Variants in ABCC4 observed in about 807,000 individuals in gnomAD.
The protein encoded by ABCC4 is ATP binding cassette subfamily C member 4 (PEL blood group), also known as ATP-binding cassette sub-family C member 4.
ABCC4 carries 102 observed loss-of-function variants against 168.5 expected under a neutral mutation model. The observed-to-expected ratio is 0.61, with a 90% CI of 0.52 to 0.71. The LOEUF is 0.71. Among genes scored for constraint, ABCC4 ranks in the 30% least tolerant of loss-of-function variants. The pLI, the probability that ABCC4 is intolerant of heterozygous loss-of-function variation, is 0.00. For synonymous variants in ABCC4, 617 were observed against 590.7 expected, an observed-to-expected ratio of 1.04 and a Z score of -0.65; for missense variants, 1,402 against 1,605.8, an observed-to-expected ratio of 0.87 and a Z score of 2.17.
chr13:95,204,526 C>T (rs915785203), intron 8 of ABCC4, among the ~76,000 whole-genome samples: 2 of 152,168 alleles, frequency 1.3e-5, no homozygotes, highest in African/African-American at 4.8e-5. Context: ...CCTGCTTGCA[C>T]TTCTCCTTCC....
chr13:95,210,526 A>G (rs2038923497), intron 5 of ABCC4, among the ~76,000 whole-genome samples, 166 bp downstream of exon 5: 1 of 152,206 alleles, frequency 6.6e-6, no homozygotes, highest in Non-Finnish European at 1.5e-5. Flanking sequence ...AGGCTGAGAC[A>G]GGAGGATCGC....
chr13:95,167,983 C>T (rs947246443), intron 14 of ABCC4, among the ~76,000 whole-genome samples: 3 of 152,126 alleles, frequency 2.0e-5, no homozygotes, highest in Non-Finnish European at 4.4e-5. Flanking sequence ...TCTCCTGCCT[C>T]AGGCTCCTGA....
chr13:95,280,408 C>A (rs1174133241), intron 1 of ABCC4, among the ~76,000 whole-genome samples: 1 of 110,200 alleles, frequency 9.1e-6, no homozygotes, highest in South Asian at 3.4e-4. Context: ...CAGAGTGAGA[C>A]TCCATCTCAA....
In ABCC4 at chr13:95,028,787, A is replaced by G. The variant is rs546377076; in HGVS notation, c.3870+5818T>C. Among the ~76,000 whole-genome samples the G allele has an allele frequency of 2.6e-5, 4 of 152,298 alleles. No individual in the cohort carries two copies. The South Asian group carries it at 6.2e-4, about 24-fold the overall frequency. ...TAAGTCATTCACCAGGAAAAAAACAAAAATAGCTAACTTAATTGGAAGTTA... is the reference window on the plus strand; with the variant it reads ...TAAGTCATTCACCAGGAAAAAAACAGAAATAGCTAACTTAATTGGAAGTTA... On this transcript the variant is annotated intron_variant, in intron 30 of 30. Transcript: ENST00000645237.
chr13:95,268,883 C>A (rs964460085), intron 1 of ABCC4, among the ~76,000 whole-genome samples: 1 of 152,042 alleles, frequency 6.6e-6, no homozygotes, highest in South Asian at 2.1e-4. Flanking sequence ...TTCTGAGCGG[C>A]GGTCCCCTGG....
At chr13:95,254,180 G>A (rs542269510) in intron 1 of ABCC4, among the ~76,000 whole-genome samples, 60 of 152,334 alleles carry the variant, frequency 3.9e-4, no homozygotes, top group Admixed American at 1.0e-3. Context: ...TTATAGGCAT[G>A]AGCCACTGCG....
At chr13:95,048,032 A>G (rs1056600924) in intron 27 of ABCC4, among the ~76,000 whole-genome samples, 21 of 152,194 alleles carry the variant, frequency 1.4e-4, no homozygotes, top group African/African-American at 4.6e-4. Flanking sequence ...TCACAAGGAT[A>G]CCTCATTTTG....
intron 20 of ABCC4, among the ~76,000 whole-genome samples, chr13:95,090,684 C>T (rs568303374): frequency 4.6e-5 from 7 of 152,268 alleles, no homozygotes; most frequent in African/African-American, 1.7e-4. Context: ...AGAAAAGGAA[C>T]TAGAAAACCC....
intron 1 of ABCC4, among the ~76,000 whole-genome samples, chr13:95,271,578 C>T (rs1305939324): frequency 6.6e-6 from 1 of 152,094 alleles, no homozygotes; most frequent in Non-Finnish European, 1.5e-5. Context: ...CCTAGCAGTC[C>T]GGTATTTATG....
rs533650915 is a variant in ABCC4 at position 95,051,823 on chromosome 13, C to T, written c.3456+1272G>A. Among the ~76,000 whole-genome samples, 13 of 149,070 alleles carry T rather than the reference C, an allele frequency of 8.7e-5. 1 individual carries two copies. In the South Asian group the frequency reaches 1.1e-3, roughly 12 times the overall value. On this transcript the variant is annotated intron_variant, in intron 27 of 30. Transcript: ENST00000645237. ...CTGGGGCTACAGATGCGCACCACCA[C>T]GTCTGGCTAATTTTGGTATTTTTAG...
At chr13:95,263,569 T>A (rs560698139) in intron 1 of ABCC4, among the ~76,000 whole-genome samples, 1 of 152,304 alleles carries the variant, frequency 6.6e-6, no homozygotes, top group East Asian at 1.9e-4. Flanking sequence ...ACGCCTGTAA[T>A]CCCAACACTT....
chr13:95,268,634 T>C (rs991200379), intron 1 of ABCC4, among the ~76,000 whole-genome samples: 14 of 152,202 alleles, frequency 9.2e-5, no homozygotes, highest in African/African-American at 3.4e-4. Context: ...CTGGCGGCAG[T>C]ACTGCTGTTT....
intron 19 of ABCC4, among the ~76,000 whole-genome samples, chr13:95,116,985 T>C (rs187740576): frequency 2.3e-4 from 35 of 152,234 alleles, no homozygotes; most frequent in Admixed American, 1.9e-3. Context: ...AAGTGGACCA[T>C]GAATGGTCAG....
intron 29 of ABCC4, among the ~76,000 whole-genome samples, chr13:95,042,881 C>A (rs558314579): frequency 1.3e-5 from 2 of 152,172 alleles, no homozygotes; most frequent in Non-Finnish European, 2.9e-5. Context: ...CAAATCCCAA[C>A]AAGAAGTCTA....
chr13:95,292,327 C>A (rs1009464934), intron 1 of ABCC4, among the ~76,000 whole-genome samples: 33 of 152,254 alleles, frequency 2.2e-4, no homozygotes, highest in African/African-American at 6.7e-4. Context: ...CCACTGCAAT[C>A]CAGCCTGGGT....
intron 24 of ABCC4, among the ~76,000 whole-genome samples, chr13:95,072,693 A>G (rs896040913): frequency 1.3e-5 from 2 of 152,236 alleles, no homozygotes; most frequent in African/African-American, 4.8e-5. Context: ...CCCTTTGACT[A>G]GCACATTCCA....
At position 95,034,455 on chromosome 13, in the gene ABCC4, G is replaced by A. The variant is rs116739249; in HGVS notation, c.3870+150C>T. ...TGCAGACCTTACTTCAACCCGGGACGTGCCGTTAAGACCCACTCATGAAGC... is the reference window on the plus strand; with the variant it reads ...TGCAGACCTTACTTCAACCCGGGACATGCCGTTAAGACCCACTCATGAAGC... On this transcript the variant is annotated intron_variant, in intron 30 of 30. Transcript: ENST00000645237. 1,721 of 1,197,776 alleles carry A rather than the reference G, an allele frequency of 1.4e-3. 23 individuals are homozygous for A. The African/African-American group carries it at 0.024, about 16-fold the overall frequency. The allele number at this position is 1,197,776 out of a possible 1,614,324, so 74.2% of individuals were successfully genotyped here. A position where few individuals can be genotyped will look rare whatever the true frequency, so the allele number is the denominator to read the frequency against.
At chr13:95,145,915 G>A (rs907200681) in intron 19 of ABCC4, among the ~76,000 whole-genome samples, 2 of 152,034 alleles carry the variant, frequency 1.3e-5, no homozygotes, top group Non-Finnish European at 2.9e-5. Flanking sequence ...TGTGGACTCT[G>A]AGAAGGAAAC....
chr13:95,029,201 TATATATATATATAG>T (rs2031714399), intron 30 of ABCC4, among the ~76,000 whole-genome samples: 1 of 66,360 alleles, frequency 1.5e-5, no homozygotes, highest in African/African-American at 6.0e-5. Context: ...TATATATATA[TATATATATATATAG>T]AGAGAGAGAG....
Sources: allele counts gnomAD v4.1 joint callset (sites outside exome capture counted in the v4.1 genomes callset), GRCh38; gene constraint gnomAD v4.1.1; transcripts MANE v1.5; gene names NCBI Gene and HGNC (gene_info 2026-07-23, HGNC 2026-07-21).